Variants in MBTD1 observed in about 807,000 individuals in gnomAD.
The protein encoded by MBTD1 is MBT domain-containing protein 1.
MBTD1 carries 24 observed loss-of-function variants against 87.8 expected under a neutral mutation model. That is an observed-to-expected ratio of 0.27 (90% CI 0.20 to 0.38). The LOEUF is 0.38. MBTD1 is among the 10% of genes least tolerant of loss of function. The pLI is 1.00. For missense variants in MBTD1, 436 were observed against 760.2 expected, an observed-to-expected ratio of 0.57 and a Z score of 5.02; for synonymous variants, 237 against 248.6, an observed-to-expected ratio of 0.95 and a Z score of 0.44.
chr17:51,231,732 C>G (rs775770492), intron 2 of MBTD1, among the ~76,000 whole-genome samples: 1 of 152,024 alleles, frequency 6.6e-6, no homozygotes, highest in Non-Finnish European at 1.5e-5. Context: ...GGAATGAATA[C>G]CTGGACATAC....
chr17:51,203,016 C>A, intron 9 of MBTD1, 81 bp from the exon 10 acceptor site: 1 of 1,274,822 alleles, frequency 7.8e-7, no homozygotes, highest in Non-Finnish European at 1.1e-6. Context: ...GTAAAAAATA[C>A]TGAATGCACT....
chr17:51,194,016 CA>C (rs2050942094), intron 13 of MBTD1, among the ~76,000 whole-genome samples: 1 of 152,206 alleles, frequency 6.6e-6, no homozygotes, highest in Non-Finnish European at 1.5e-5. Flanking sequence ...TAGTCTAACG[CA>C]AAAGTGGCTC....
At chr17:51,226,769 C>T (rs1167905819) in intron 2 of MBTD1, among the ~76,000 whole-genome samples, 5 of 151,524 alleles carry the variant, frequency 3.3e-5, no homozygotes, top group African/African-American at 1.2e-4. Flanking sequence ...GTAGCTGGGA[C>T]TACAGGTGAG....
chr17:51,182,849 T>C (rs558927554), intron 16 of MBTD1, among the ~76,000 whole-genome samples: 1 of 152,374 alleles, frequency 6.6e-6, no homozygotes, highest in African/African-American at 2.4e-5. Flanking sequence ...ATAGGTAGTA[T>C]GCCACTTAAG....
At chr17:51,260,056 G>A (rs1390404093), upstream of MBTD1, 6 of 400,368 alleles carry the variant, frequency 1.5e-5, no homozygotes, top group South Asian at 1.2e-4. Flanking sequence ...CATTAGCATA[G>A]CCCTCCCTCC....
At chr17:51,201,912 A>G in intron 11 of MBTD1, 110 bp downstream of exon 11, 1 of 790,334 alleles carries the variant, frequency 1.3e-6, no homozygotes, top group Non-Finnish European at 2.1e-6. Context: ...CAAGGTCTTA[A>G]TTCTTTTAAG....
chr17:51,257,181 T>C (rs1489039293), intron 2 of MBTD1, among the ~76,000 whole-genome samples: 2 of 152,254 alleles, frequency 1.3e-5, no homozygotes, highest in Admixed American at 1.3e-4. Flanking sequence ...GTTTTAACTA[T>C]TGTAAGTCCT....
chr17:51,259,230 C>T, intron 1 of MBTD1, 24 bp from the exon 2 acceptor site: 3 of 1,229,988 alleles, frequency 2.4e-6, no homozygotes, highest in Non-Finnish European at 3.0e-6. Context: ...ATTCTTATTT[C>T]ACAAAGGAGA....
intron 1 of MBTD1, among the ~76,000 whole-genome samples, chr17:51,259,497 T>TA (rs1598463298): frequency 6.6e-6 from 1 of 152,074 alleles, no homozygotes; most frequent in East Asian, 1.9e-4. Flanking sequence ...CCTGGGTGGC[T>TA]AAAAAAGGAA....
chr17:51,259,045 A>T, intron 2 of MBTD1, 98 bp downstream of exon 2: 1 of 397,640 alleles, frequency 2.5e-6, no homozygotes, highest in Non-Finnish European at 4.4e-6. Context: ...TAATAAGGGT[A>T]GGCAGACAAC....
At chr17:51,260,674 A>G (rs771568721), upstream of MBTD1, 1 of 1,611,322 alleles carries the variant, frequency 6.2e-7, no homozygotes, top group Non-Finnish European at 8.5e-7. Context: ...CGGACTGGAA[A>G]GCCGGAGCGG....
chr17:51,223,379 T>C (rs1047398261), intron 3 of MBTD1, among the ~76,000 whole-genome samples: 1 of 146,754 alleles, frequency 6.8e-6, no homozygotes, highest in African/African-American at 2.5e-5. Context: ...CTGAAAAAAA[T>C]ACAAAAATTA....
At chr17:51,218,529 CAAAAAAAA>C (rs58563366) in intron 5 of MBTD1, among the ~76,000 whole-genome samples, 8 of 110,686 alleles carry the variant, frequency 7.2e-5, no homozygotes, top group East Asian at 4.9e-4. Context: ...ACTCTGTCTC[CAAAAAAAA>C]AAAAAAAAAA....
At chr17:51,186,805 A>T (rs762561593) in intron 16 of MBTD1, among the ~76,000 whole-genome samples, 2 of 151,978 alleles carry the variant, frequency 1.3e-5, no homozygotes, top group African/African-American at 4.8e-5. Context: ...AACAAAACAA[A>T]AAGAACAGCT....
intron 2 of MBTD1, among the ~76,000 whole-genome samples, chr17:51,243,804 G>C (rs2054284802): frequency 6.6e-6 from 1 of 152,180 alleles, no homozygotes; most frequent in Non-Finnish European, 1.5e-5. Flanking sequence ...TGGGATTACA[G>C]GTGTACACTG....
chr17:51,188,475 A>G (rs1358022837), intron 16 of MBTD1, among the ~76,000 whole-genome samples: 1 of 152,234 alleles, frequency 6.6e-6, no homozygotes, highest in Non-Finnish European at 1.5e-5. Flanking sequence ...GAGCTGTAAG[A>G]TGAAGCAACA....
chr17:51,200,730 G>A (rs1417212888), intron 12 of MBTD1, among the ~76,000 whole-genome samples: 1 of 151,838 alleles, frequency 6.6e-6, no homozygotes, highest in Non-Finnish European at 1.5e-5. Context: ...CGGGCGTGGT[G>A]GCATGCACCT....
intron 2 of MBTD1, among the ~76,000 whole-genome samples, chr17:51,229,681 G>C (rs2053445098): frequency 7.6e-6 from 1 of 130,908 alleles, no homozygotes. Flanking sequence ...TTTTTTTTGA[G>C]ACAGAGTCTT....
chr17:51,259,996 A>G lies in MBTD1; in HGVS notation c.-274T>C. Reference sequence around the variant, plus strand: ...GGCCCAGACCGGTGGCGGGTGCAGCAGCCCCCGGATTTCCCCCCTTTAACT... The same window carrying G: ...GGCCCAGACCGGTGGCGGGTGCAGCGGCCCCCGGATTTCCCCCCTTTAACT... On this transcript the variant is annotated 5_prime_UTR_variant, in exon 1 of 17. Transcript: ENST00000586178. The G allele has an allele frequency of 1.6e-6, 1 of 616,004 alleles. No individual in the cohort carries two copies. Among genetic ancestry groups the G allele is most frequent in the Non-Finnish European group, 2.3e-6 (1 of 425,760 alleles). The allele number at this position is 616,004 out of a possible 1,614,324, so 38.2% of individuals were successfully genotyped here.
Sources: gnomAD v4.1 joint callset for allele counts (sites outside exome capture counted in the v4.1 genomes callset) on GRCh38, gnomAD v4.1.1 for gene constraint, MANE v1.5 for transcripts, NCBI Gene and HGNC (gene_info 2026-07-23, HGNC 2026-07-21) for gene names.